Variants in SYT1 observed in about 807,000 individuals in gnomAD.
SYT1 encodes synaptotagmin-1.
SYT1 carries 8 observed loss-of-function variants against 44.8 expected under a neutral mutation model. That is an observed-to-expected ratio of 0.18 (90% CI 0.10 to 0.32). The LOEUF is 0.32. SYT1 is among the 10% of genes least tolerant of loss of function. The pLI is 1.00. For synonymous variants in SYT1, 154 were observed against 188.8 expected (o/e 0.82, Z 1.51); for missense variants, 286 against 509.3 (o/e 0.56, Z 4.22).
chr12:79,209,594 C>A (rs1874321803), intron 3 of SYT1, among the ~76,000 whole-genome samples: 1 of 152,190 alleles, frequency 6.6e-6, no homozygotes, highest in Non-Finnish European at 1.5e-5. Flanking sequence ...GGGGGTTTAA[C>A]CTTCAGCAAG....
At chr12:79,176,528 A>C (rs1871879211) in intron 3 of SYT1, among the ~76,000 whole-genome samples, 1 of 151,988 alleles carries the variant, frequency 6.6e-6, no homozygotes, top group South Asian at 2.1e-4. Flanking sequence ...GTCAATACTA[A>C]ATTAAGCTGA....
chr12:79,417,146 T>C (rs1375777099), intron 9 of SYT1, among the ~76,000 whole-genome samples: 21 of 152,186 alleles, frequency 1.4e-4, no homozygotes, highest in Admixed American at 1.4e-3. Flanking sequence ...TCCCTGCTTT[T>C]ACAATTTGTC....
At chr12:79,196,443 G>A (rs186498979) in intron 3 of SYT1, among the ~76,000 whole-genome samples, 2 of 152,182 alleles carry the variant, frequency 1.3e-5, no homozygotes, top group East Asian at 3.9e-4. Context: ...TGAGATTACA[G>A]GCATGAGCCA....
At chr12:78,878,005 A>G (rs1162562037) in intron 1 of SYT1, among the ~76,000 whole-genome samples, 1 of 151,808 alleles carries the variant, frequency 6.6e-6, no homozygotes, top group Non-Finnish European at 1.5e-5. Context: ...TTTTAAGTCC[A>G]CAATGAATCT....
At chr12:79,255,106 C>T (rs1877441025) in intron 4 of SYT1, among the ~76,000 whole-genome samples, 1 of 152,160 alleles carries the variant, frequency 6.6e-6, no homozygotes, top group South Asian at 2.1e-4. Context: ...TGTTATCAAA[C>T]AGTATCACAG....
intron 3 of SYT1, among the ~76,000 whole-genome samples, chr12:79,064,928 G>T (rs140504590): frequency 5.0e-3 from 172 of 34,662 alleles, no homozygotes; most frequent in Admixed American, 0.045. Context: ...AAAATAGAGA[G>T]AAAGAAAGAA....
At position 78,961,291 on chromosome 12, in the gene SYT1, T is replaced by C. The variant is rs185928216; in HGVS notation, c.-216-16508T>C. On this transcript the variant is annotated intron_variant, in intron 1 of 10. Coordinates refer to ENST00000261205, the MANE Select transcript of SYT1 (RefSeq NM_005639.3). ...GCTAATTTTTTGAATTTGTATTTTG[T>C]GGCGACATAATCTTATTGTGTTGCC... is the stretch of plus-strand genomic sequence containing the variant. Among the ~76,000 whole-genome samples the C allele has an allele frequency of 3.3e-4, 50 of 152,072 alleles. No individual in the cohort carries two copies. The East Asian group carries it at 8.8e-3, about 27-fold the overall frequency.
chr12:78,964,077 C>G (rs563397307), intron 1 of SYT1: 2 of 152,256 alleles, frequency 1.3e-5, no homozygotes, highest in Admixed American at 1.3e-4. Flanking sequence ...CCTCCTATAA[C>G]ACTTTCCCAT....
At chr12:79,446,178 G>A (rs1172092785) in intron 10 of SYT1, among the ~76,000 whole-genome samples, 1 of 151,102 alleles carries the variant, frequency 6.6e-6, no homozygotes, top group Non-Finnish European at 1.5e-5. Context: ...TGTAAAATAA[G>A]AATGATAACA....
intron 9 of SYT1, among the ~76,000 whole-genome samples, chr12:79,367,137 G>A: frequency 6.6e-6 from 1 of 152,056 alleles, no homozygotes; most frequent in Non-Finnish European, 1.5e-5. Context: ...CTATTTATTT[G>A]AGTTAAGACA....
At chr12:79,433,653 A>G (rs1274560628) in intron 9 of SYT1, among the ~76,000 whole-genome samples, 2 of 152,188 alleles carry the variant, frequency 1.3e-5, no homozygotes, top group African/African-American at 4.8e-5. Flanking sequence ...CAGCTCATAC[A>G]AACAGTTTAT....
At chr12:78,888,597 C>A (rs1285462356) in intron 1 of SYT1, among the ~76,000 whole-genome samples, 1 of 151,904 alleles carries the variant, frequency 6.6e-6, no homozygotes, top group African/African-American at 2.4e-5. Context: ...TAGTTATTAT[C>A]ATCTTTTCTA....
chr12:79,346,439 A>T (rs1882610846), intron 8 of SYT1, among the ~76,000 whole-genome samples: 1 of 152,176 alleles, frequency 6.6e-6, no homozygotes, highest in Non-Finnish European at 1.5e-5. Flanking sequence ...CTTTTCTAAC[A>T]CTAACTGGCA....
At chr12:79,119,406 C>T (rs1293413379) in intron 3 of SYT1, among the ~76,000 whole-genome samples, 3 of 152,224 alleles carry the variant, frequency 2.0e-5, no homozygotes, top group South Asian at 2.1e-4. Flanking sequence ...AAAACTTTAC[C>T]GCTCTTCAGT....
At chr12:78,877,144 CTTATAAAGGAAAGAGGTTTAAT>C (rs1874215902) in intron 1 of SYT1, among the ~76,000 whole-genome samples, 1 of 150,376 alleles carries the variant, frequency 6.6e-6, no homozygotes, top group African/African-American at 2.4e-5. Flanking sequence ...GACTGGGCAA[CTTATAAAGGAAAGAGGTTTAAT>C]GGATTCACAG....
chr12:79,210,619 A>G (rs1371547120), intron 3 of SYT1, among the ~76,000 whole-genome samples: 1 of 152,224 alleles, frequency 6.6e-6, no homozygotes, highest in Non-Finnish European at 1.5e-5. Context: ...TTGCATAAAT[A>G]TACCGCAGTT....
At chr12:79,044,036 C>G (rs1428415237) in intron 2 of SYT1, among the ~76,000 whole-genome samples, 2 of 152,138 alleles carry the variant, frequency 1.3e-5, no homozygotes, top group Non-Finnish European at 2.9e-5. Flanking sequence ...GTAACCCAAC[C>G]TTTCTCTCTG....
rs1391030229 is a variant in SYT1 at position 78,881,988 on chromosome 12, AT to A, written c.-217+16880del. ...TCCCATAGCACCCTGTATTTTTTTT[AT>A]AACATTTGCACAATTTGCAATTATA... is the stretch of plus-strand genomic sequence containing the variant. On this transcript the variant is annotated intron_variant, in intron 1 of 10. Transcript: ENST00000261205. 2.0e-5 allele frequency among the ~76,000 whole-genome samples: 3 copies of A among 149,724 alleles called. No homozygotes were observed. The Admixed American group carries it at 2.0e-4, about 10-fold the overall frequency.
At chr12:79,217,422 G>A in intron 3 of SYT1, 81 bp from the exon 4 acceptor site, 1 of 1,281,760 alleles carries the variant, frequency 7.8e-7, no homozygotes, top group East Asian at 2.7e-5. Flanking sequence ...CTCTGATGTT[G>A]TTTCATCTCT....
Sources: gnomAD v4.1 joint callset for allele counts (sites outside exome capture counted in the v4.1 genomes callset) on GRCh38, gnomAD v4.1.1 for gene constraint, MANE v1.5 for transcripts, NCBI Gene and HGNC (gene_info 2026-07-23, HGNC 2026-07-21) for gene names.